Variants in MAP2K1 observed in about 807,000 individuals in gnomAD.
The protein encoded by MAP2K1 is mitogen-activated protein kinase kinase 1.
Under a neutral mutation model 46.3 loss-of-function variants are expected in MAP2K1, and 16 were observed. The observed-to-expected ratio is 0.35, with a 90% CI of 0.23 to 0.52. The LOEUF (loss-of-function observed/expected upper bound fraction) is 0.52. Ranked by LOEUF, MAP2K1 falls within the 20% of genes least tolerant of loss-of-function variation. MAP2K1 has a pLI of 0.94. For missense variants in MAP2K1, 263 were observed against 497.1 expected (o/e 0.53, Z 4.48); for synonymous variants, 183 against 185.6 (o/e 0.99, Z 0.11).
In MAP2K1 at chr15:66,437,095, T is replaced by C. The variant is rs73471708; in HGVS notation, c.438+203T>C. Among the ~76,000 whole-genome samples, 1,270 of 152,316 alleles carry C rather than the reference T, an allele frequency of 8.3e-3. 26 individuals are homozygous for C. Among genetic ancestry groups the C allele is most frequent in the African/African-American group, 0.029 (1,214 of 41,574 alleles). On this transcript the variant is annotated intron_variant, in intron 3 of 10. Transcript: ENST00000307102. ...CTCCTTTCTAGGTCCTTGCCTCTCTTGAAGGAAGTGGGCAGTATTCCTGGT... is the reference window on the plus strand; with the variant it reads ...CTCCTTTCTAGGTCCTTGCCTCTCTCGAAGGAAGTGGGCAGTATTCCTGGT...
At chr15:66,481,918 G>T (rs778015750) in intron 6 of MAP2K1, 39 bp downstream of exon 6, 3 of 1,606,136 alleles carry the variant, frequency 1.9e-6, no homozygotes, top group Non-Finnish European at 1.7e-6. Flanking sequence ...CTTCTTGTAC[G>T]GTCAGGGAGA....
intron 5 of MAP2K1, among the ~76,000 whole-genome samples, chr15:66,468,934 A>G (rs1213968447): frequency 2.7e-5 from 4 of 147,674 alleles, no homozygotes; most frequent in African/African-American, 1.0e-4. Flanking sequence ...CAGCCTGGCA[A>G]CAGAGCAAGA....
At chr15:66,461,508 A>T (rs1032701957) in intron 5 of MAP2K1, among the ~76,000 whole-genome samples, 7 of 148,788 alleles carry the variant, frequency 4.7e-5, no homozygotes, top group Admixed American at 2.0e-4. Flanking sequence ...AAATAAATAA[A>T]TAAATAATAA....
At chr15:66,397,148 G>A (rs2140521905) in intron 1 of MAP2K1, among the ~76,000 whole-genome samples, 1 of 151,904 alleles carries the variant, frequency 6.6e-6, no homozygotes, top group South Asian at 2.1e-4. Context: ...GGGACTACAG[G>A]CGCCTGCCAC....
chr15:66,484,164 G>A (rs910348781), intron 6 of MAP2K1, among the ~76,000 whole-genome samples: 10 of 136,094 alleles, frequency 7.3e-5, no homozygotes, highest in Non-Finnish European at 1.2e-4. Flanking sequence ...TTTTTCTTCC[G>A]ACATGGAGTT....
At chr15:66,388,486 G>T (rs1313276142) in intron 1 of MAP2K1, among the ~76,000 whole-genome samples, 1 of 152,136 alleles carries the variant, frequency 6.6e-6, no homozygotes, top group Non-Finnish European at 1.5e-5. Context: ...AATAGGCTTG[G>T]ACCTTATGCT....
At chr15:66,444,085 A>C (rs189316395) in intron 4 of MAP2K1, among the ~76,000 whole-genome samples, 5 of 152,070 alleles carry the variant, frequency 3.3e-5, no homozygotes, top group African/African-American at 9.6e-5. Context: ...TTAAAAATAC[A>C]AAATTAGCCG....
At chr15:66,398,812 C>T (rs528855645) in intron 1 of MAP2K1, among the ~76,000 whole-genome samples, 5 of 148,034 alleles carry the variant, frequency 3.4e-5, no homozygotes, top group South Asian at 2.1e-4. Flanking sequence ...TCACTCTTGT[C>T]GTCCAGGCTA....
intron 5 of MAP2K1, chr15:66,446,729 G>T: frequency 5.9e-6 from 2 of 341,004 alleles, no homozygotes; most frequent in South Asian, 2.6e-5. Flanking sequence ...CATTGGTTCC[G>T]GATACCCTGC....
At position 66,487,427 on chromosome 15, in the gene MAP2K1, TGAG is replaced by T. The variant is rs1319191038; in HGVS notation, c.960+139_960+141del. 236 of 830,850 alleles carry T rather than the reference TGAG, an allele frequency of 2.8e-4. 2 individuals carry two copies. Among genetic ancestry groups the T allele is most frequent in the South Asian group, 2.8e-3 (203 of 73,538 alleles). 51.5% of individuals were successfully genotyped at this position (830,850 alleles called of 1,614,324 possible). On this transcript the variant is annotated intron_variant, in intron 8 of 10. Transcript: ENST00000307102. ...GCTGAGGCGGGTGGATCACACGAGG[TGAG>T]GAGTTCGAGACCAGCCTGGCCAACA...
At chr15:66,424,958 G>A (rs912942977) in intron 1 of MAP2K1, among the ~76,000 whole-genome samples, 2 of 151,712 alleles carry the variant, frequency 1.3e-5, no homozygotes, top group African/African-American at 2.4e-5. Flanking sequence ...CACCAAGCCC[G>A]GCTAATTTTG....
chr15:66,480,534 C>G (rs996756928), intron 5 of MAP2K1, among the ~76,000 whole-genome samples: 1 of 151,952 alleles, frequency 6.6e-6, no homozygotes, highest in African/African-American at 2.4e-5. Flanking sequence ...CCCAGGAGTT[C>G]AACTCAGCCT....
chr15:66,483,291 C>G (rs1892956660), intron 6 of MAP2K1, among the ~76,000 whole-genome samples: 1 of 152,266 alleles, frequency 6.6e-6, no homozygotes, highest in East Asian at 1.9e-4. Context: ...TGGCACTGAC[C>G]CACATCCCCA....
intron 3 of MAP2K1, among the ~76,000 whole-genome samples, chr15:66,442,609 A>G (rs950935740): frequency 2.4e-4 from 36 of 152,186 alleles, no homozygotes; most frequent in African/African-American, 5.1e-4. Context: ...TCACACCACA[A>G]CAATCAACAC....
At chr15:66,422,044 A>C (rs2093445033) in intron 1 of MAP2K1, among the ~76,000 whole-genome samples, 1 of 152,148 alleles carries the variant, frequency 6.6e-6, no homozygotes, top group Non-Finnish European at 1.5e-5. Context: ...ATTGCCCCAG[A>C]ATCACTTTTG....
chr15:66,425,647 G>A (rs1438754970), intron 1 of MAP2K1, among the ~76,000 whole-genome samples: 1 of 152,136 alleles, frequency 6.6e-6, no homozygotes, highest in Non-Finnish European at 1.5e-5. Flanking sequence ...TTTTCCAACA[G>A]ACAGATAGCA....
At chr15:66,403,835 C>T (rs771154013) in intron 1 of MAP2K1, among the ~76,000 whole-genome samples, 1 of 152,170 alleles carries the variant, frequency 6.6e-6, no homozygotes, top group Non-Finnish European at 1.5e-5. Flanking sequence ...GACTCAGAGT[C>T]AGAATTATTT....
chr15:66,445,788 T>C (rs1166525320), intron 5 of MAP2K1, among the ~76,000 whole-genome samples: 1 of 151,868 alleles, frequency 6.6e-6, no homozygotes, highest in Non-Finnish European at 1.5e-5. Flanking sequence ...TGGCAGAAAG[T>C]AGATCAGTGG....
At chr15:66,483,376 A>G (rs1233244864) in intron 6 of MAP2K1, among the ~76,000 whole-genome samples, 1 of 151,954 alleles carries the variant, frequency 6.6e-6, no homozygotes, top group African/African-American at 2.4e-5. Flanking sequence ...CTAAATGTCT[A>G]ATAACTGAGC....
Sources: allele counts gnomAD v4.1 joint callset (sites outside exome capture counted in the v4.1 genomes callset), GRCh38; gene constraint gnomAD v4.1.1; transcripts MANE v1.5; gene names NCBI Gene and HGNC (gene_info 2026-07-23, HGNC 2026-07-21).